The following CPA3 variants were observed in gnomAD, a reference collection of about 807,000 sequenced individuals.
CPA3 encodes mast cell carboxypeptidase A.
Under a neutral mutation model 55.8 loss-of-function variants are expected in CPA3, and 52 were observed. The ratio of observed to expected loss-of-function variants is 0.93; its 90% CI spans 0.75 to 1.17. CPA3 has a LOEUF of 1.17. Among genes scored for constraint, CPA3 ranks in the 50% most tolerant of loss-of-function variants. CPA3 has a pLI of 0.00. For missense variants in CPA3, 547 were observed against 509.1 expected, an observed-to-expected ratio of 1.07 and a Z score of -0.72; for synonymous variants, 179 against 171.2, an observed-to-expected ratio of 1.05 and a Z score of -0.36.
chr3:148,883,917 G>A, intron 9 of CPA3, 102 bp downstream of exon 9: 2 of 862,052 alleles, frequency 2.3e-6, no homozygotes, highest in Non-Finnish European at 3.7e-6. Context: ...ACATTTTAAT[G>A]TCAAAGAAAA....
At chr3:148,874,123 A>C (rs1216122927) in intron 3 of CPA3, among the ~76,000 whole-genome samples, 1 of 152,176 alleles carries the variant, frequency 6.6e-6, no homozygotes, top group African/African-American at 2.4e-5. Flanking sequence ...TATCAGCAAC[A>C]ATCTGGCACC....
In CPA3 at chr3:148,896,915, T is replaced by G; in HGVS notation, c.*208T>G. ...TTTAAGTGAAACCTTTTAACTACCT[T>G]TCTTTGCTCCAAGTGAAGTTTGGAC... is the stretch of plus-strand genomic sequence containing the variant. On this transcript the variant is annotated 3_prime_UTR_variant, in exon 11 of 11. Coordinates refer to ENST00000296046, the MANE Select transcript of CPA3 (RefSeq NM_001870.4). 2.5e-6 allele frequency: 1 copy of G among 393,156 alleles called. No homozygotes were observed. The highest frequency in any genetic ancestry group is 3.6e-5 in the East Asian group (1 of 27,462). 24.4% of individuals were successfully genotyped at this position (393,156 alleles called of 1,614,324 possible).
chr3:148,883,865 TCA>T, intron 9 of CPA3, 50 bp downstream of exon 9: 5 of 1,330,480 alleles, frequency 3.8e-6, no homozygotes, highest in Non-Finnish European at 5.4e-6. Context: ...CCATTGACTT[TCA>T]GTCTGTTCTT....
chr3:148,891,805 A>G (rs1410001132), intron 10 of CPA3, among the ~76,000 whole-genome samples: 1 of 152,184 alleles, frequency 6.6e-6, no homozygotes, highest in South Asian at 2.1e-4. Context: ...GCAAATAGAG[A>G]GCTACTGCAA....
intron 10 of CPA3, 53 bp downstream of exon 10, chr3:148,886,230 A>G: frequency 4.6e-6 from 6 of 1,295,494 alleles, no homozygotes; most frequent in Non-Finnish European, 6.5e-6. Context: ...TTTTTTACAA[A>G]TATTAAAGAA....
chr3:148,876,157 G>T (rs1576580934), intron 3 of CPA3, among the ~76,000 whole-genome samples: 1 of 150,984 alleles, frequency 6.6e-6, no homozygotes, highest in Admixed American at 6.6e-5. Flanking sequence ...TATGAATACT[G>T]TAATAACCAA....
At chr3:148,891,018 A>G (rs182190535) in intron 10 of CPA3, among the ~76,000 whole-genome samples, 9 of 152,354 alleles carry the variant, frequency 5.9e-5, no homozygotes, top group African/African-American at 2.2e-4. Context: ...GTAGCACAGT[A>G]CAATGATTAA....
intron 10 of CPA3, among the ~76,000 whole-genome samples, chr3:148,896,214 A>G (rs1714822479): frequency 6.6e-6 from 1 of 152,136 alleles, no homozygotes; most frequent in African/African-American, 2.4e-5. Context: ...AGCTGCTAGC[A>G]CTTGCTCTGG....
At chr3:148,887,049 T>C (rs1714550544) in intron 10 of CPA3, among the ~76,000 whole-genome samples, 1 of 152,238 alleles carries the variant, frequency 6.6e-6, no homozygotes, top group South Asian at 2.1e-4. Flanking sequence ...TGTGTGTTTT[T>C]AAGTTATTGA....
intron 6 of CPA3, 148 bp from the exon 7 acceptor site, chr3:148,881,374 A>G: frequency 1.8e-6 from 1 of 564,958 alleles, no homozygotes; most frequent in Middle Eastern, 3.5e-4. Context: ...AACTATATGG[A>G]TTGTTTATTT....
intron 3 of CPA3, among the ~76,000 whole-genome samples, chr3:148,876,183 A>G (rs952870789): frequency 7.1e-6 from 1 of 140,424 alleles, no homozygotes; most frequent in Non-Finnish European, 1.6e-5. Context: ...TAGTGAGAAA[A>G]AAAGTCAAAA....
chr3:148,876,636 C>T (rs1206512674), intron 3 of CPA3, among the ~76,000 whole-genome samples: 1 of 152,112 alleles, frequency 6.6e-6, no homozygotes, highest in Non-Finnish European at 1.5e-5. Context: ...CTCAGCTTCC[C>T]AAAGTGCTGG....
chr3:148,877,567 A>G (rs1229664404), intron 3 of CPA3, among the ~76,000 whole-genome samples: 1 of 152,130 alleles, frequency 6.6e-6, no homozygotes, highest in African/African-American at 2.4e-5. Context: ...TTGACCCTCA[A>G]CATTAGTCTC....
intron 2 of CPA3, 61 bp downstream of exon 2, chr3:148,865,609 A>G (rs1713880359): frequency 1.4e-6 from 2 of 1,423,528 alleles, no homozygotes; most frequent in Admixed American, 3.5e-5. Context: ...GCTTCTTCTT[A>G]TTTTACTGTC....
At position 148,878,674 on chromosome 3, in the gene CPA3, G is replaced by C. The variant is rs1418029205; in HGVS notation, c.400G>C (p.Asp134His). 6.2e-7 allele frequency: 1 copy of C among 1,611,804 alleles called. No individual in the cohort carries two copies. The highest frequency in any genetic ancestry group is 2.2e-5 in the East Asian group (1 of 44,768). Residue 134 changes from aspartate to histidine, a missense_variant, in exon 5 of 11, where the codon GAT becomes CAT. Asp to His is a moderately conservative substitution (Grantham distance 81). Transcript: ENST00000296046. ...KIVAWTEKMMDKYPEMVSRIK... is the reference protein window; with the variant it reads ...KIVAWTEKMMHKYPEMVSRIK... Reference sequence around the variant, plus strand: ...TGTGGCTTGGACTGAAAAGATGATGGATAAGTATCCTGAAATGGTCTCTCG... The same window carrying C: ...TGTGGCTTGGACTGAAAAGATGATGCATAAGTATCCTGAAATGGTCTCTCG...
Position 148,896,768 on chromosome 3 carries a change from T to C in CPA3, c.*61T>C. The stretch of plus-strand genomic sequence containing the variant: ...CTTTTTTGTGCCTTTCATCAGAAAG[T>C]CAATCTTCAGTTATCCCCAAATGCA... On this transcript the variant is annotated 3_prime_UTR_variant, in exon 11 of 11. Coordinates refer to ENST00000296046, the MANE Select transcript of CPA3 (RefSeq NM_001870.4). 1.5e-6 allele frequency: 2 copies of C among 1,332,508 alleles called. No individual in the cohort carries two copies. Among genetic ancestry groups the C allele is most frequent in the Non-Finnish European group, 2.0e-6 (2 of 992,178 alleles). The allele number at this position is 1,332,508 out of a possible 1,614,324, so 82.5% of individuals were successfully genotyped here.
chr3:148,895,397 T>C lies in CPA3; in HGVS notation c.1067-1123T>C, dbSNP rs368655641. ...GCAGTATTTGAGCTGGCACTGGGCATGAAAGGCCATACTCCTCATCAAGAA... is the reference window on the plus strand; with the variant it reads ...GCAGTATTTGAGCTGGCACTGGGCACGAAAGGCCATACTCCTCATCAAGAA... On this transcript the variant is annotated intron_variant, in intron 10 of 10. Transcript: ENST00000296046. Among the ~76,000 whole-genome samples, 95 of 152,336 alleles carry C rather than the reference T, an allele frequency of 6.2e-4. 2 individuals carry two copies. In the Middle Eastern group the frequency reaches 0.034, roughly 55 times the overall value.
intron 2 of CPA3, among the ~76,000 whole-genome samples, 167 bp downstream of exon 2, chr3:148,865,715 T>G (rs74572140): frequency 0.025 from 3,811 of 152,274 alleles, 151 homozygotes; most frequent in African/African-American, 0.087. Flanking sequence ...CCTGTTCTGG[T>G]TTTGGTCTTG....
intron 3 of CPA3, among the ~76,000 whole-genome samples, chr3:148,876,998 A>G (rs1056264879): frequency 6.6e-6 from 1 of 151,776 alleles, no homozygotes; most frequent in Non-Finnish European, 1.5e-5. Flanking sequence ...TACTGACAAG[A>G]TTAATTAAAT....
Sources: allele counts gnomAD v4.1 joint callset (sites outside exome capture counted in the v4.1 genomes callset), GRCh38; gene constraint gnomAD v4.1.1; transcripts MANE v1.5; gene names NCBI Gene and HGNC (gene_info 2026-07-23, HGNC 2026-07-21).